CASP6: variants seen among roughly 807,000 people sequenced by gnomAD.
CASP6 encodes the protein caspase-6.
Under a neutral mutation model 31.8 loss-of-function variants are expected in CASP6, and 20 were observed. The ratio of observed to expected loss-of-function variants is 0.63; its 90% CI spans 0.44 to 0.91. CASP6 has a LOEUF of 0.91. Among genes scored for constraint, CASP6 ranks in the 40% least tolerant of loss-of-function variants. The pLI is 0.00. For synonymous variants in CASP6, 130 were observed against 127.8 expected (o/e 1.02, Z -0.12); for missense variants, 328 against 361.1 (o/e 0.91, Z 0.74).
the CASP6 span, among the ~76,000 whole-genome samples, chr4:109,680,466 T>A: frequency 6.6e-6 from 1 of 152,144 alleles, no homozygotes; most frequent in Non-Finnish European, 1.5e-5. Context: ...TTGCAATAGT[T>A]ATTAATAAAA....
chr4:109,686,986 G>A (rs1409187467), downstream of CASP6, among the ~76,000 whole-genome samples: 1 of 151,732 alleles, frequency 6.6e-6, no homozygotes, highest in Non-Finnish European at 1.5e-5. Context: ...AGAATATTAA[G>A]TGGAAAACCA....
At chr4:109,678,261 C>T in the CASP6 span, among the ~76,000 whole-genome samples, 773 of 152,126 alleles carry the variant, frequency 5.1e-3, 3 homozygotes, top group African/African-American at 0.018. Context: ...TTCTTTTCCC[C>T]ACATTTCCCC....
At chr4:109,692,361 G>A (rs1009577027) in intron 5 of CASP6, 1 of 152,134 alleles carries the variant, frequency 6.6e-6, no homozygotes, top group Non-Finnish European at 1.5e-5. Context: ...CATTAAATCA[G>A]TCAGGTGATT....
the CASP6 span, among the ~76,000 whole-genome samples, chr4:109,666,333 G>T: frequency 6.6e-6 from 1 of 152,158 alleles, no homozygotes; most frequent in Non-Finnish European, 1.5e-5. Context: ...ATGATTGCTG[G>T]CACATATGGT....
chr4:109,696,807 A>ACAG (rs1186903091), intron 3 of CASP6, among the ~76,000 whole-genome samples: 1 of 139,292 alleles, frequency 7.2e-6, no homozygotes, highest in Non-Finnish European at 1.5e-5. Context: ...TTTTTTTGAG[A>ACAG]CAGAGGCTCA....
At chr4:109,695,003 G>T (rs1730192992) in intron 4 of CASP6, among the ~76,000 whole-genome samples, 1 of 151,984 alleles carries the variant, frequency 6.6e-6, no homozygotes, top group Admixed American at 6.6e-5. Flanking sequence ...GCTAATTTTT[G>T]TATTTTTAGT....
chr4:109,686,965 T>G (rs368652365), downstream of CASP6, among the ~76,000 whole-genome samples: 4,118 of 136,204 alleles, frequency 0.03, 94 homozygotes, highest in Non-Finnish European at 0.046. Flanking sequence ...AGGTTAAGGG[T>G]TTTTTTTTTA....
At chr4:109,705,816 T>TA (rs1730581555), upstream of CASP6, among the ~76,000 whole-genome samples, 1 of 148,530 alleles carries the variant, frequency 6.7e-6, no homozygotes, top group Non-Finnish European at 1.5e-5. Flanking sequence ...CTCTACAATT[T>TA]TTTTTTTTTT....
At chr4:109,695,050 G>A (rs565198749) in intron 4 of CASP6, among the ~76,000 whole-genome samples, 6 of 151,908 alleles carry the variant, frequency 3.9e-5, no homozygotes, top group African/African-American at 9.7e-5. Context: ...GGCTAGTCTC[G>A]AACTCCTGAC....
At chr4:109,674,094 T>C in the CASP6 span, 6 of 1,465,558 alleles carry the variant, frequency 4.1e-6, no homozygotes, top group Non-Finnish European at 4.8e-6. Context: ...ATTCCATGTA[T>C]CGGGAATTCT....
chr4:109,703,507 G>C, upstream of CASP6: 2 of 1,395,280 alleles, frequency 1.4e-6, no homozygotes, highest in Non-Finnish European at 2.0e-6. Context: ...CTGCCCCCGA[G>C]CGTGGGGCCA....
chr4:109,674,265 G>A, the CASP6 span: 4 of 650,656 alleles, frequency 6.1e-6, no homozygotes, highest in Non-Finnish European at 1.1e-5. Flanking sequence ...TTCCTTTCTT[G>A]CAGGCTTGAT....
chr4:109,669,569 T>C, the CASP6 span, among the ~76,000 whole-genome samples: 4 of 152,220 alleles, frequency 2.6e-5, no homozygotes, highest in East Asian at 5.8e-4. Flanking sequence ...TGACATTAGT[T>C]TGGGGGGAGT....
chr4:109,675,671 G>C, the CASP6 span, among the ~76,000 whole-genome samples: 3 of 152,230 alleles, frequency 2.0e-5, no homozygotes, highest in Non-Finnish European at 4.4e-5. Context: ...GTGTTGTGGT[G>C]TTGGGATGTG....
the CASP6 span, among the ~76,000 whole-genome samples, chr4:109,676,155 T>A: frequency 6.6e-6 from 1 of 152,110 alleles, no homozygotes; most frequent in African/African-American, 2.4e-5. Flanking sequence ...TAAGGACAAT[T>A]CTGGTCAGGG....
At chr4:109,689,638 T>C in intron 6 of CASP6, 70 bp from the exon 7 acceptor site, 1 of 1,350,450 alleles carries the variant, frequency 7.4e-7, no homozygotes, top group East Asian at 2.3e-5. Flanking sequence ...TTCTTTTTAG[T>C]TACAGAAGTA....
chr4:109,703,499 G>GC, upstream of CASP6: 1 of 1,445,352 alleles, frequency 6.9e-7, no homozygotes, highest in Non-Finnish European at 9.4e-7. Context: ...CCCGCCCCCT[G>GC]CCCCCGAGCG....
upstream of CASP6, among the ~76,000 whole-genome samples, chr4:109,706,032 A>AT (rs1419095475): frequency 6.0e-4 from 56 of 93,784 alleles, no homozygotes; most frequent in African/African-American, 1.6e-3. Flanking sequence ...ATATATATAT[A>AT]ATATATATAA....
chr4:109,689,225 C>T lies in CASP6; in HGVS notation c.*105G>A. 1 of 1,036,206 alleles carries T rather than the reference C, an allele frequency of 9.7e-7. No homozygotes were observed. The highest frequency in any genetic ancestry group is 2.0e-5 in the Admixed American group (1 of 51,212). 64.2% of individuals were successfully genotyped at this position (1,036,206 alleles called of 1,614,324 possible). ...CGAACTCCCGACCTCAGGTGATCCG[C>T]CCACCTTGGACTCCCAAAGTGCTGG... On this transcript the variant is annotated 3_prime_UTR_variant, in exon 7 of 7. Coordinates refer to ENST00000265164, the MANE Select transcript of CASP6 (RefSeq NM_001226.4).
Sources: gnomAD v4.1 joint callset for allele counts (sites outside exome capture counted in the v4.1 genomes callset) on GRCh38, gnomAD v4.1.1 for gene constraint, MANE v1.5 for transcripts, NCBI Gene and HGNC (gene_info 2026-07-23, HGNC 2026-07-21) for gene names.